The following EYS variants were observed in gnomAD, a reference collection of about 807,000 sequenced individuals.
EYS encodes EGF-like photoreceptor maintenance factor, also known as protein eyes shut homolog.
Under a neutral mutation model 282.1 loss-of-function variants are expected in EYS, and 250 were observed. That is an observed-to-expected ratio of 0.89 (90% confidence interval 0.80 to 0.98). EYS has a LOEUF of 0.98. EYS is among the 50% of genes least tolerant of loss of function. EYS has a pLI of 0.00. For synonymous variants in EYS, 1,355 were observed against 1,282.9 expected (o/e 1.06, Z -1.20); for missense variants, 4,016 against 3,709.0 (o/e 1.08, Z -2.15).
chr6:65,272,837 A>C (rs10455571), intron 12 of EYS, among the ~76,000 whole-genome samples: 6,401 of 152,216 alleles, frequency 0.042, 180 homozygotes, highest in Middle Eastern at 0.065. Context: ...TTTATGCATA[A>C]ATATATTGGC....
chr6:64,124,971 G>A (rs577109801), intron 31 of EYS, among the ~76,000 whole-genome samples: 2 of 152,226 alleles, frequency 1.3e-5, no homozygotes, highest in Non-Finnish European at 2.9e-5. Context: ...AGATAGTCCC[G>A]TATAAAAATT....
At chr6:64,788,228 G>C (rs1337827761) in intron 22 of EYS, among the ~76,000 whole-genome samples, 3 of 152,126 alleles carry the variant, frequency 2.0e-5, no homozygotes, top group East Asian at 3.9e-4. Flanking sequence ...TGACCAAGGA[G>C]GGATCCGGCT....
intron 12 of EYS, among the ~76,000 whole-genome samples, chr6:65,280,289 C>A (rs1356804525): frequency 4.6e-5 from 7 of 152,202 alleles, no homozygotes; most frequent in African/African-American, 1.7e-4. Flanking sequence ...GACGCCACCT[C>A]CAGCACTGTA....
intron 11 of EYS, among the ~76,000 whole-genome samples, chr6:65,317,825 C>CTTTCTTTCTTT (rs1769342463): frequency 3.7e-5 from 3 of 81,292 alleles, no homozygotes; most frequent in African/African-American, 1.0e-4. Context: ...TTCCTTCCTT[C>CTTTCTTTCTTT]CTTTCTTTCT....
intron 31 of EYS, among the ~76,000 whole-genome samples, chr6:64,115,388 C>T (rs1002714443): frequency 6.6e-6 from 1 of 152,154 alleles, no homozygotes; most frequent in Non-Finnish European, 1.5e-5. Context: ...CCACTGCCAT[C>T]ACCACTGTGA....
intron 29 of EYS, among the ~76,000 whole-genome samples, chr6:64,381,207 A>G (rs1772738318): frequency 6.6e-6 from 1 of 152,146 alleles, no homozygotes; most frequent in African/African-American, 2.4e-5. Flanking sequence ...TCTTTATACT[A>G]ACTCTACCTA....
At chr6:63,921,652 A>T (rs1479169452) in intron 35 of EYS, among the ~76,000 whole-genome samples, 2 of 152,190 alleles carry the variant, frequency 1.3e-5, no homozygotes, top group African/African-American at 4.8e-5. Context: ...TAATAGTAAC[A>T]CCTACCAAGT....
chr6:64,159,685 AT>A (rs1775044168), intron 31 of EYS, among the ~76,000 whole-genome samples: 2 of 151,418 alleles, frequency 1.3e-5, no homozygotes, highest in East Asian at 3.9e-4. Context: ...AGCTGATTGC[AT>A]TTTAACTATC....
intron 14 of EYS, among the ~76,000 whole-genome samples, chr6:64,979,620 T>C (rs1451509535): frequency 6.6e-6 from 1 of 151,478 alleles, no homozygotes; most frequent in Admixed American, 6.6e-5. Context: ...TGTTGACAGG[T>C]AGATTAATTT....
At chr6:64,820,855 A>C (rs1764877227) in intron 21 of EYS, among the ~76,000 whole-genome samples, 1 of 152,088 alleles carries the variant, frequency 6.6e-6, no homozygotes. Context: ...GTACATTCTC[A>C]CACATGACCC....
At chr6:64,678,760 G>A (rs373158995) in intron 22 of EYS, among the ~76,000 whole-genome samples, 40 of 151,642 alleles carry the variant, frequency 2.6e-4, no homozygotes, top group African/African-American at 9.0e-4. Context: ...CGAGGCGGGT[G>A]GATCAATTGA....
intron 26 of EYS, among the ~76,000 whole-genome samples, chr6:64,553,261 CTTAA>C (rs909479085): frequency 1.3e-4 from 20 of 152,242 alleles, no homozygotes; most frequent in African/African-American, 4.8e-4. Flanking sequence ...CAGCAATATA[CTTAA>C]TTATCATGAG....
At chr6:63,737,867 A>G (rs1362054690) in intron 41 of EYS, among the ~76,000 whole-genome samples, 2 of 151,918 alleles carry the variant, frequency 1.3e-5, no homozygotes, top group African/African-American at 4.8e-5. Context: ...AGAATCTACA[A>G]TGAACTCAAA....
At chr6:65,370,424 TA>T (rs36003353) in intron 8 of EYS, among the ~76,000 whole-genome samples, 36,432 of 145,898 alleles carry the variant, frequency 0.25, 4,689 homozygotes, top group South Asian at 0.39. Flanking sequence ...TCACACTAAT[TA>T]AAAAAAAAAA....
At chr6:63,956,793 G>A (rs1765844435) in intron 35 of EYS, among the ~76,000 whole-genome samples, 1 of 152,094 alleles carries the variant, frequency 6.6e-6, no homozygotes, top group African/African-American at 2.4e-5. Context: ...AAATGTGCAA[G>A]TTAGCCAGCA....
chr6:64,543,820 T>C (rs1764761667), intron 26 of EYS, among the ~76,000 whole-genome samples: 1 of 152,134 alleles, frequency 6.6e-6, no homozygotes, highest in Non-Finnish European at 1.5e-5. Context: ...CTTGTGAGGA[T>C]TATCCCTCTT....
At chr6:64,569,342 A>G (rs1380071225) in intron 26 of EYS, among the ~76,000 whole-genome samples, 1 of 152,008 alleles carries the variant, frequency 6.6e-6, no homozygotes, top group Non-Finnish European at 1.5e-5. Context: ...AACTTCATGA[A>G]GCATACACAA....
chr6:64,443,965 A>AT (rs1358040063), intron 26 of EYS, among the ~76,000 whole-genome samples: 1 of 152,198 alleles, frequency 6.6e-6, no homozygotes, highest in Admixed American at 6.5e-5. Flanking sequence ...TGGAGGGCCA[A>AT]AGAAGGATAA....
chr6:64,394,568 G>C (rs1271159608), intron 28 of EYS, among the ~76,000 whole-genome samples: 3 of 151,962 alleles, frequency 2.0e-5, no homozygotes, highest in Admixed American at 6.6e-5. Flanking sequence ...TGGGAAAACT[G>C]GCTAGCCATA....
Sources: allele counts gnomAD v4.1 joint callset (sites outside exome capture counted in the v4.1 genomes callset), GRCh38; gene constraint gnomAD v4.1.1; transcripts MANE v1.5; gene names NCBI Gene and HGNC (gene_info 2026-07-23, HGNC 2026-07-21).